COL7A1: variants seen among roughly 807,000 people sequenced by gnomAD.
The protein encoded by COL7A1 is collagen alpha-1(VII) chain.
COL7A1 carries 296 observed loss-of-function variants against 456.2 expected under a neutral mutation model. The ratio of observed to expected loss-of-function variants is 0.65; its 90% CI spans 0.59 to 0.71. The LOEUF (loss-of-function observed/expected upper bound fraction) is 0.71, where lower values mean the gene tolerates loss of function less well. Among genes scored for constraint, COL7A1 ranks in the 30% least tolerant of loss-of-function variants. The pLI is 0.00. For missense variants in COL7A1, 3,441 were observed against 4,017.2 expected (o/e 0.86, Z 3.88); for synonymous variants, 1,464 against 1,525.9 (o/e 0.96, Z 0.95).
Position 48,568,561 on chromosome 3 carries a change from CT to C in COL7A1, c.7759-28del. ...TGTGAGAAACACAGATGGGGGAGCC[CT>C]TCAGTGGGACTGTCCCCAACACTGG... On this transcript the variant is annotated intron_variant, in intron 104 of 118. Transcript: ENST00000681320. The surrounding 1 kb of genome is among the most constrained non-coding windows in gnomAD (Gnocchi z 5.2). The C allele has an allele frequency of 6.2e-7, 1 of 1,604,014 alleles. No homozygotes were observed. The highest frequency in any genetic ancestry group is 1.7e-4 in the Middle Eastern group (1 of 6,034).
rs2107670914 is a variant in COL7A1, at chr3:48,574,919, A to G, written c.6280-54T>C. 1 of 1,602,048 alleles carries G rather than the reference A, an allele frequency of 6.2e-7. No homozygotes were observed. The highest frequency in any genetic ancestry group is 2.2e-5 in the East Asian group (1 of 44,744). ...TGTCTCTGTCATAGAGGCATGGGGG[A>G]GTCATCACAGATCTCAGGATCACAG... is the stretch of plus-strand genomic sequence containing the variant. On this transcript the variant is annotated intron_variant, in intron 76 of 118. Coordinates refer to ENST00000681320, the MANE Select transcript of COL7A1 (RefSeq NM_000094.4). The surrounding 1 kb of genome is among the most constrained non-coding windows in gnomAD (Gnocchi z 5.0).
rs1210309243 is a variant in COL7A1 at position 48,593,345 on chromosome 3, T to C, written c.520+11A>G. 6.2e-7 allele frequency: 1 copy of C among 1,613,912 alleles called. No individual in the cohort carries two copies. The highest frequency in any genetic ancestry group is 8.5e-7 in the Non-Finnish European group (1 of 1,180,000). ...CCCCCAGCTGACCTGTCACTCCTGC[T>C]CGGTCCTTACCCACAGCAAATAGCT... On this transcript the variant is annotated intron_variant, in intron 5 of 118. Coordinates refer to ENST00000681320, the MANE Select transcript of COL7A1 (RefSeq NM_000094.4). This position sits in a 1 kb window ranked among gnomAD's most constrained non-coding sequence, Gnocchi z 4.4.
Position 48,587,686 on chromosome 3 carries a change from A to C in COL7A1, c.2857+107T>G. ...GGTCATGCTGGGGTCACCCAGGGTCAGAGGGTGAGGGGTAGGGGTACAGGA... is the reference window on the plus strand; with the variant it reads ...GGTCATGCTGGGGTCACCCAGGGTCCGAGGGTGAGGGGTAGGGGTACAGGA... On this transcript the variant is annotated intron_variant, in intron 22 of 118. Coordinates refer to ENST00000681320, the MANE Select transcript of COL7A1 (RefSeq NM_000094.4). This position sits in a 1 kb window ranked among gnomAD's most constrained non-coding sequence, Gnocchi z 6.1. The C allele has an allele frequency of 1.9e-6, 3 of 1,596,266 alleles. No homozygotes were observed. Among genetic ancestry groups the C allele is most frequent in the Non-Finnish European group, 2.6e-6 (3 of 1,164,834 alleles).
Position 48,568,219 on chromosome 3 carries a change from C to A in COL7A1, c.7795-49G>T. The A allele has an allele frequency of 6.3e-7, 1 of 1,590,498 alleles. No individual in the cohort carries two copies. The highest frequency in any genetic ancestry group is 8.6e-7 in the Non-Finnish European group (1 of 1,164,796). The stretch of plus-strand genomic sequence containing the variant: ...AGGTCAGAGGAGGTCAGTGAGGGAC[C>A]AAAGAGAATCGCCCTGGATAGTGGG... On this transcript the variant is annotated intron_variant, in intron 105 of 118. Transcript: ENST00000681320. This position sits in a 1 kb window ranked among gnomAD's most constrained non-coding sequence, Gnocchi z 5.2.
Position 48,574,835 on chromosome 3 carries a change from A to G in COL7A1, c.6310T>C (p.Ser2104Pro). The G allele has an allele frequency of 1.2e-6, 2 of 1,613,802 alleles. No homozygotes were observed. Among genetic ancestry groups the G allele is most frequent in the Non-Finnish European group, 1.7e-6 (2 of 1,179,950 alleles). Reference sequence around the variant, plus strand: ...AGTCCAGGGGGTCCCTGTTCTCCAGAGAGTCCAGGACCTGGCTCATCCACA... The same window carrying G: ...AGTCCAGGGGGTCCCTGTTCTCCAGGGAGTCCAGGACCTGGCTCATCCACA... Reference protein sequence around the residue: ...VSVDEPGPGLSGEQGPPGLKG... With the variant: ...VSVDEPGPGLPGEQGPPGLKG... The change falls in exon 77 of 119, where the codon TCT becomes CCT. Residue 2104 changes from serine (S) to proline (P), a missense_variant. By Grantham distance (74) the Ser-to-Pro change is moderately conservative. This residue lies in a region of COL7A1 where 2,084 missense variants were observed against 2,501.3 expected (regional missense o/e 0.83). Transcript: ENST00000681320. This position sits in a 1 kb window ranked among gnomAD's most constrained non-coding sequence, Gnocchi z 5.0.
chr3:48,587,760 G>A lies in COL7A1; in HGVS notation c.2857+33C>T. The A allele has an allele frequency of 1.2e-6, 2 of 1,613,446 alleles. No individual in the cohort carries two copies. Among genetic ancestry groups the A allele is most frequent in the African/African-American group, 1.3e-5 (1 of 75,014 alleles). The stretch of plus-strand genomic sequence containing the variant: ...AGGAAGTCAGGGTGGGTCATCAGCA[G>A]GGGAGGAGCACGCCAAGGTGAGGCA... On this transcript the variant is annotated intron_variant, in intron 22 of 118. Transcript: ENST00000681320. The surrounding 1 kb of genome is among the most constrained non-coding windows in gnomAD (Gnocchi z 6.1).
Position 48,590,116 on chromosome 3 carries a change from A to G in COL7A1, c.2050+97T>C, listed in dbSNP as rs1575484715. 7.3e-7 allele frequency: 1 copy of G among 1,368,568 alleles called. No individual in the cohort carries two copies. The highest frequency in any genetic ancestry group is 2.5e-4 in the Middle Eastern group (1 of 3,980). 84.8% of individuals were successfully genotyped at this position (1,368,568 alleles called of 1,614,324 possible). A position where few individuals can be genotyped will look rare whatever the true frequency, so the allele number is the denominator to read the frequency against. On this transcript the variant is annotated intron_variant, in intron 16 of 118. Transcript: ENST00000681320. This position sits in a 1 kb window ranked among gnomAD's most constrained non-coding sequence, Gnocchi z 4.6. ...GGAGTGGGATTCTGAAGGGGGAGGC[A>G]GGAGTTCTGGGGAGAAGCAAGGGTC...
chr3:48,576,669 C>T lies in COL7A1; in HGVS notation c.5700+7G>A, dbSNP rs1403106724. The T allele has an allele frequency of 1.2e-6, 2 of 1,602,566 alleles. No individual in the cohort carries two copies. The highest frequency in any genetic ancestry group is 1.3e-5 in the African/African-American group (1 of 74,832). On this transcript the variant is annotated splice_region_variant and intron_variant, in intron 68 of 118. Transcript: ENST00000681320. ...TCTGAAGTCCCAGAATGACCCAGGACACTCACCTGGCCAGGAGGGCCCACT... is the reference window on the plus strand; with the variant it reads ...TCTGAAGTCCCAGAATGACCCAGGATACTCACCTGGCCAGGAGGGCCCACT...
At chr3:48,589,204 G>C in intron 18 of COL7A1, 123 bp downstream of exon 18, 2 of 1,497,992 alleles carry the variant, frequency 1.3e-6, no homozygotes, top group Non-Finnish European at 1.8e-6. Context: ...TCAGTGTGGG[G>C]TGGGTCAGTG....
rs146041612 is a variant in COL7A1 at position 48,592,375 on chromosome 3, G to A, written c.1069C>T (p.Arg357Cys). The A allele has an allele frequency of 2.5e-5, 41 of 1,613,502 alleles. No individual in the cohort carries two copies. The highest frequency in any genetic ancestry group is 4.5e-5 in the East Asian group (2 of 44,898). The change falls in exon 9 of 119, where the codon CGT (arginine) becomes TGT (cysteine). Residue 357 changes from arginine (R) to cysteine (C), a missense_variant. Coordinates refer to ENST00000681320, the MANE Select transcript of COL7A1 (RefSeq NM_000094.4). The surrounding 1 kb of genome is among the most constrained non-coding windows in gnomAD (Gnocchi z 7.6). The stretch of plus-strand genomic sequence containing the variant: ...CCACTGAGGACCCGCCATGTCACAC[G>A]GTAGCCAGTGGCACCTGGCACACTC... The part of the protein sequence containing the change: ...WRSVPGATGY[R>C]VTWRVLSGGP...
At chr3:48,577,118 A>T in intron 65 of COL7A1, 91 bp from the exon 66 acceptor site, 4 of 1,539,028 alleles carry the variant, frequency 2.6e-6, no homozygotes, top group Non-Finnish European at 3.6e-6. Context: ...CTGTGACTGT[A>T]TTTCTGTGCC....
Position 48,572,477 on chromosome 3 carries a change from T to C in COL7A1, c.6936+26A>G, listed in dbSNP as rs1411542132. 10 of 1,609,532 alleles carry C rather than the reference T, an allele frequency of 6.2e-6. No individual in the cohort carries two copies. In the Admixed American group the frequency reaches 1.5e-4, roughly 24 times the overall value. On this transcript the variant is annotated intron_variant, in intron 89 of 118. Coordinates refer to ENST00000681320, the MANE Select transcript of COL7A1 (RefSeq NM_000094.4). This position sits in a 1 kb window ranked among gnomAD's most constrained non-coding sequence, Gnocchi z 4.6. ...TTGGCCCCCACCAGTTGACCCCCCC[T>C]CACTGGCAGCCCCACACACACTCAC...
chr3:48,593,466 G>T lies in COL7A1; in HGVS notation c.427-17C>A. 1 of 1,614,056 alleles carries T rather than the reference G, an allele frequency of 6.2e-7. No homozygotes were observed. The highest frequency in any genetic ancestry group is 8.5e-7 in the Non-Finnish European group (1 of 1,180,002). On this transcript the variant is annotated splice_polypyrimidine_tract_variant and intron_variant, in intron 4 of 118. Coordinates refer to ENST00000681320, the MANE Select transcript of COL7A1 (RefSeq NM_000094.4). This position sits in a 1 kb window ranked among gnomAD's most constrained non-coding sequence, Gnocchi z 4.4. ...GATGCAGACCTGGGACAGGTGCAGG[G>T]GTCAAATCACGGTTCCCCTGGACAC...
rs1575472810 is a variant in COL7A1, at chr3:48,586,369, A to G, written c.3513T>C (p.Gly1171=). The change falls in exon 27 of 119, where the codon GGT becomes GGC. Residue 1171 remains glycine, a synonymous_variant. Coordinates refer to ENST00000681320, the MANE Select transcript of COL7A1 (RefSeq NM_000094.4). This position sits in a 1 kb window ranked among gnomAD's most constrained non-coding sequence, Gnocchi z 5.1. Reference sequence around the variant, plus strand: ...CCTCACGGATGGGGCTGAATATGTCACCTCTCAAGGGTTCATCCACTAGCA... The same window carrying G: ...CCTCACGGATGGGGCTGAATATGTCGCCTCTCAAGGGTTCATCCACTAGCA... ...MVLLVDEPLR[G]DIFSPIREAQ... is the part of the protein sequence containing the mutation. 1 of 1,613,626 alleles carries G rather than the reference A, an allele frequency of 6.2e-7. No individual in the cohort carries two copies. The highest frequency in any genetic ancestry group is 1.3e-5 in the African/African-American group (1 of 74,954).
Position 48,588,998 on chromosome 3 carries a change from G to C in COL7A1, c.2315-3C>G, listed in dbSNP as rs1042769826. ...CACACGACCCACAGGCTCAGGGGCT[G>C]GGGACAGAGGCAAGGTAAGGGGTCC... On this transcript the variant is annotated splice_polypyrimidine_tract_variant and splice_region_variant and intron_variant, in intron 18 of 118. Coordinates refer to ENST00000681320, the MANE Select transcript of COL7A1 (RefSeq NM_000094.4). The surrounding 1 kb of genome is among the most constrained non-coding windows in gnomAD (Gnocchi z 4.6). The C allele has an allele frequency of 6.2e-7, 1 of 1,613,266 alleles. No homozygotes were observed. The highest frequency in any genetic ancestry group is 8.5e-7 in the Non-Finnish European group (1 of 1,180,036).
In COL7A1 at chr3:48,593,144, TC is replaced by T. The variant is rs2045831941; in HGVS notation, c.639del (p.Arg214GlufsTer11). On this transcript the variant is annotated frameshift_variant, in exon 6 of 119. Transcript: ENST00000681320. LOFTEE classifies it high-confidence loss of function. This position sits in a 1 kb window ranked among gnomAD's most constrained non-coding sequence, Gnocchi z 4.4. ...ILRTLLPLVS[R>X]RVCTTAGGVP... ...ACGCCACCAGCAGTCGTGCACACTCTCCGGGAAACGAGGGGCAGTAGTGTCC... is the reference window on the plus strand; with the variant it reads ...ACGCCACCAGCAGTCGTGCACACTCTCGGGAAACGAGGGGCAGTAGTGTCC... The T allele has an allele frequency of 1.2e-6, 2 of 1,614,048 alleles. No individual in the cohort carries two copies. The highest frequency in any genetic ancestry group is 1.7e-6 in the Non-Finnish European group (2 of 1,180,004).
At position 48,576,670 on chromosome 3, in the gene COL7A1, A is replaced by T; in HGVS notation, c.5700+6T>A. 6.2e-6 allele frequency: 10 copies of T among 1,602,832 alleles called. No individual in the cohort carries two copies. Among genetic ancestry groups the T allele is most frequent in the Non-Finnish European group, 7.7e-6 (9 of 1,175,306 alleles). On this transcript the variant is annotated splice_donor_region_variant and intron_variant, in intron 68 of 118. Transcript: ENST00000681320. ...CTGAAGTCCCAGAATGACCCAGGAC[A>T]CTCACCTGGCCAGGAGGGCCCACTG...
chr3:48,573,044 A>C lies in COL7A1; in HGVS notation c.6727T>G (p.Ser2243Ala), dbSNP rs920822732. The C allele has an allele frequency of 6.2e-7, 1 of 1,613,846 alleles. No homozygotes were observed. Among genetic ancestry groups the C allele is most frequent in the African/African-American group, 1.3e-5 (1 of 74,874 alleles). ...ACCACTTGTCCAGGCAAACCTGGAG[A>C]CCCCTGTGGACCCTGACGGAGAACA... ...GPSGLVGPQG[S>A]PGLPGQVGET... is the part of the protein sequence containing the mutation. The change falls in exon 86 of 119, where the codon TCT becomes GCT. Residue 2243 changes from serine to alanine, a missense_variant. By Grantham distance (99) the Ser-to-Ala change is moderately conservative. Transcript: ENST00000681320. This position sits in a 1 kb window ranked among gnomAD's most constrained non-coding sequence, Gnocchi z 5.5.
chr3:48,572,327 C>T lies in COL7A1; in HGVS notation c.6978+53G>A, dbSNP rs1037404098. On this transcript the variant is annotated intron_variant, in intron 90 of 118. Coordinates refer to ENST00000681320, the MANE Select transcript of COL7A1 (RefSeq NM_000094.4). This position sits in a 1 kb window ranked among gnomAD's most constrained non-coding sequence, Gnocchi z 4.6. ...ATGGGTCGAAGGTCAGAAGTTAGGCCACTGGAGAGACAGGACCCCCAGAAC... is the reference window on the plus strand; with the variant it reads ...ATGGGTCGAAGGTCAGAAGTTAGGCTACTGGAGAGACAGGACCCCCAGAAC... 6.2e-7 allele frequency: 1 copy of T among 1,613,630 alleles called. No individual in the cohort carries two copies. The highest frequency in any genetic ancestry group is 1.3e-5 in the African/African-American group (1 of 74,834).
Sources: gnomAD v4.1 joint callset for allele counts on GRCh38, gnomAD v4.1.1 for gene constraint, gnomAD v4.1.1 regional missense constraint, Gnocchi (gnomAD v3.1) non-coding constraint, MANE v1.5 for transcripts, NCBI Gene and HGNC (gene_info 2026-07-23, HGNC 2026-07-21) for gene names.